UPB1: variants seen among roughly 807,000 people sequenced by gnomAD.
The protein encoded by UPB1 is beta-ureidopropionase.
In UPB1, 40 loss-of-function variants were observed where a neutral mutation model predicts 49.1. The observed-to-expected ratio is 0.81, with a 90% CI of 0.63 to 1.06. The LOEUF (loss-of-function observed/expected upper bound fraction) is 1.06. UPB1 is among the 50% of genes least tolerant of loss of function. The pLI is 0.00. For missense variants in UPB1, 499 were observed against 505.9 expected, an observed-to-expected ratio of 0.99 and a Z score of 0.13; for synonymous variants, 207 against 198.2, an observed-to-expected ratio of 1.04 and a Z score of -0.38.
At position 24,510,734 on chromosome 22, in the gene UPB1, T is replaced by C. The variant is rs2044183773; in HGVS notation, c.365-15T>C. 1 of 1,613,462 alleles carries C rather than the reference T, an allele frequency of 6.2e-7. No homozygotes were observed. ...TGCATGTTGGATATAATTCTGCCCT[T>C]TCTCCTATTTATAGCTATGCCCTTT... On this transcript the variant is annotated splice_polypyrimidine_tract_variant and intron_variant, in intron 3 of 9. Transcript: ENST00000326010.
intron 3 of UPB1, among the ~76,000 whole-genome samples, chr22:24,507,657 C>A (rs900579001): frequency 1.3e-5 from 2 of 151,996 alleles, no homozygotes; most frequent in African/African-American, 2.4e-5. Context: ...CTTTTCTAAC[C>A]GAAAAGGCGG....
In UPB1 at chr22:24,522,038, A is replaced by G. The variant is rs754723238; in HGVS notation, c.916+10A>G. The G allele has an allele frequency of 6.2e-7, 1 of 1,613,788 alleles. No individual in the cohort carries two copies. The highest frequency in any genetic ancestry group is 8.5e-7 in the Non-Finnish European group (1 of 1,179,984). The stretch of plus-strand genomic sequence containing the variant: ...GGAGATGGAAAGAAAGGTATGTCCC[A>G]TGAACCATGGTGGCTGCAGTTGAGG... On this transcript the variant is annotated intron_variant, in intron 8 of 9. Coordinates refer to ENST00000326010, the MANE Select transcript of UPB1 (RefSeq NM_016327.3).
intron 3 of UPB1, among the ~76,000 whole-genome samples, chr22:24,507,803 C>T (rs537152732): frequency 2.6e-5 from 4 of 152,202 alleles, no homozygotes; most frequent in African/African-American, 7.2e-5. Flanking sequence ...CCAGATAACT[C>T]ATACATGTTC....
intron 5 of UPB1, among the ~76,000 whole-genome samples, chr22:24,514,286 G>A (rs1341193805): frequency 1.3e-5 from 2 of 152,042 alleles, no homozygotes; most frequent in African/African-American, 4.8e-5. Flanking sequence ...CAGGGAGAAA[G>A]AAGAACCCAG....
At position 24,528,140 on chromosome 22, in the gene UPB1, A is replaced by C. The variant is rs2044496022; in HGVS notation, c.*2346A>C. On this transcript the variant is annotated 3_prime_UTR_variant, in exon 10 of 10. Coordinates refer to ENST00000326010, the MANE Select transcript of UPB1 (RefSeq NM_016327.3). ...CTCAAAAAACAAAACAAAACAAAAC[A>C]CCTTAGTGTTTTTGGTTTCTAGAGG... 1 of 152,060 alleles carries C rather than the reference A, an allele frequency of 6.6e-6. No homozygotes were observed. Among genetic ancestry groups the C allele is most frequent in the Admixed American group, 6.6e-5 (1 of 15,258 alleles). The allele number at this position is 152,060 out of a possible 1,614,324, so 9.4% of individuals were successfully genotyped here.
At position 24,518,308 on chromosome 22, in the gene UPB1, T is replaced by A. The variant is rs565950601; in HGVS notation, c.792-2079T>A. 2.0e-5 allele frequency: 3 copies of A among 151,464 alleles called. No homozygotes were observed. In the South Asian group the frequency reaches 6.3e-4, roughly 32 times the overall value. 9.4% of individuals were successfully genotyped at this position (151,464 alleles called of 1,614,324 possible). On this transcript the variant is annotated intron_variant, in intron 6 of 9. Transcript: ENST00000326010. ...GTTATTGTACAGCCACTATAAAGAG[T>A]CATGATGAAGGTAATGCAAAGTGAT...
At chr22:24,504,769 T>G (rs2044057695) in intron 3 of UPB1, among the ~76,000 whole-genome samples, 2 of 134,942 alleles carry the variant, frequency 1.5e-5, no homozygotes, top group Admixed American at 1.8e-4. Flanking sequence ...ACTCTGTCAC[T>G]GAGGCTGTAG....
intron 6 of UPB1, among the ~76,000 whole-genome samples, chr22:24,516,975 T>C (rs935569654): frequency 9.8e-5 from 15 of 152,310 alleles, no homozygotes; most frequent in African/African-American, 2.6e-4. Flanking sequence ...CCACCCACCT[T>C]GGCCTCCCAA....
At chr22:24,520,360 C>T in intron 6 of UPB1, 27 bp from the exon 7 acceptor site, 10 of 1,613,508 alleles carry the variant, frequency 6.2e-6, no homozygotes, top group Non-Finnish European at 8.5e-6. Context: ...AGTCGGCAAC[C>T]TGGTTCCTCT....
rs1321888703 is a variant in UPB1, at chr22:24,525,703, G to A, written c.1072-8G>A. On this transcript the variant is annotated splice_polypyrimidine_tract_variant and splice_region_variant and intron_variant, in intron 9 of 9. Transcript: ENST00000326010. The stretch of plus-strand genomic sequence containing the variant: ...AACCTCTAAAGTACATCTGTGTTTT[G>A]CTTTCAGATGACGGGCAGGTATGAG... 5.0e-6 allele frequency: 8 copies of A among 1,614,120 alleles called. No homozygotes were observed. The highest frequency in any genetic ancestry group is 6.8e-6 in the Non-Finnish European group (8 of 1,179,994).
Position 24,519,317 on chromosome 22 carries a change from G to A in UPB1, c.792-1070G>A, listed in dbSNP as rs5760466. ...GTTTAAACCAGGTGCCTGCTGACAC[G>A]AAGGAAGATTCCGGGGCATTTTGAT... On this transcript the variant is annotated intron_variant, in intron 6 of 9. Coordinates refer to ENST00000326010, the MANE Select transcript of UPB1 (RefSeq NM_016327.3). Among the ~76,000 whole-genome samples the A allele has an allele frequency of 1.1e-3, 164 of 152,194 alleles. 3 individuals are homozygous for A. In the East Asian group the frequency reaches 0.027, roughly 25 times the overall value.
intron 1 of UPB1, among the ~76,000 whole-genome samples, chr22:24,499,407 G>GTA (rs2043949241): frequency 6.6e-6 from 1 of 152,152 alleles, no homozygotes; most frequent in Non-Finnish European, 1.5e-5. Context: ...GTATCAGGAG[G>GTA]TATTTGCTGT....
At chr22:24,521,852 C>A in intron 7 of UPB1, 134 bp from the exon 8 acceptor site, 1 of 897,380 alleles carries the variant, frequency 1.1e-6, no homozygotes, top group Non-Finnish European at 1.8e-6. Context: ...ACAGACCATT[C>A]CAGCTCACCT....
chr22:24,503,964 A>AG (rs1224453597), intron 3 of UPB1, among the ~76,000 whole-genome samples: 1 of 152,222 alleles, frequency 6.6e-6, no homozygotes, highest in African/African-American at 2.4e-5. Context: ...TTGGGCTCCT[A>AG]GGGCCAGAGT....
chr22:24,502,058 A>G lies in UPB1; in HGVS notation c.277-68A>G. On this transcript the variant is annotated intron_variant, in intron 2 of 9. Transcript: ENST00000326010. ...GGGCATTGATTTTTCCATATGCATTAGGATGAGATCCTAAAAATTGCCTTA... is the reference window on the plus strand; with the variant it reads ...GGGCATTGATTTTTCCATATGCATTGGGATGAGATCCTAAAAATTGCCTTA... The G allele has an allele frequency of 2.0e-6, 3 of 1,526,194 alleles. No individual in the cohort carries two copies. In the African/African-American group the frequency reaches 4.1e-5, roughly 21 times the overall value. The allele number at this position is 1,526,194 out of a possible 1,614,324, so 94.5% of individuals were successfully genotyped here.
Position 24,524,610 on chromosome 22 carries a change from C to T in UPB1, c.1071+837C>T, listed in dbSNP as rs8137394. 9.6e-3 allele frequency among the ~76,000 whole-genome samples: 1,461 copies of T among 152,242 alleles called. 25 individuals carry two copies. The highest frequency in any genetic ancestry group is 0.033 in the African/African-American group (1,363 of 41,536). ...AAGCCATCCTCCCACCTCAGCCTCC[C>T]GAGTAACTGGGACTATAGGCGTGCA... On this transcript the variant is annotated intron_variant, in intron 9 of 9. Coordinates refer to ENST00000326010, the MANE Select transcript of UPB1 (RefSeq NM_016327.3).
chr22:24,513,564 TGG>T, intron 5 of UPB1, 79 bp downstream of exon 5: 1 of 1,542,652 alleles, frequency 6.5e-7, no homozygotes, highest in Non-Finnish European at 8.7e-7. Context: ...GGACTTTCTG[TGG>T]GGAAGTTCTG....
Position 24,523,684 on chromosome 22 carries a change from C to G in UPB1, c.982C>G (p.Pro328Ala), listed in dbSNP as rs761104831. 6.2e-7 allele frequency: 1 copy of G among 1,614,278 alleles called. No individual in the cohort carries two copies. The highest frequency in any genetic ancestry group is 2.2e-5 in the East Asian group (1 of 44,894). The part of the protein sequence containing the change: ...YVAAPDSSRT[P>A]GLSRSRDGLL... ...GGCAGCCCCTGACAGCAGCCGGACT[C>G]CTGGGCTGTCCCGTAGCCGGGATGG... Residue 328 changes from proline (P) to alanine (A), a missense_variant, in exon 9 of 10, where the codon CCT (proline) becomes GCT (alanine). Physicochemically the swap from Pro to Ala is conservative, Grantham distance 27. Transcript: ENST00000326010.
At chr22:24,522,527 T>C (rs1312435833) in intron 8 of UPB1, among the ~76,000 whole-genome samples, 1 of 152,004 alleles carries the variant, frequency 6.6e-6, no homozygotes, top group African/African-American at 2.4e-5. Context: ...TCCTTTCCCA[T>C]GTCTCTGGCC....
Sources: allele counts gnomAD v4.1 joint callset (sites outside exome capture counted in the v4.1 genomes callset), GRCh38; gene constraint gnomAD v4.1.1; transcripts MANE v1.5; gene names NCBI Gene and HGNC (gene_info 2026-07-23, HGNC 2026-07-21).